BRD4: variants seen among roughly 807,000 people sequenced by gnomAD.
BRD4 encodes the protein bromodomain containing 4.
BRD4 carries 16 observed loss-of-function variants against 142.1 expected under a neutral mutation model. That is an observed-to-expected ratio of 0.11 (90% CI 0.08 to 0.17). The LOEUF is 0.17. Among genes scored for constraint, BRD4 ranks in the 10% least tolerant of loss-of-function variants. BRD4 has a pLI of 1.00. For synonymous variants in BRD4, 833 were observed against 707.5 expected (o/e 1.18, Z -2.82); for missense variants, 1,424 against 1,810.9 (o/e 0.79, Z 3.88).
intron 11 of BRD4, chr19:15,247,537 G>C (rs1407485064): frequency 4.3e-6 from 1 of 233,068 alleles, no homozygotes; most frequent in Non-Finnish European, 8.5e-6. Context: ...GCTGGCTTGT[G>C]GCTATGGCCC....
chr19:15,317,017 G>A (rs1166829771), intron 1 of BRD4, among the ~76,000 whole-genome samples: 1 of 152,160 alleles, frequency 6.6e-6, no homozygotes, highest in Non-Finnish European at 1.5e-5. Flanking sequence ...TGCTCACTAC[G>A]TATCATCCAA....
chr19:15,291,647 GGTTCCC>G (rs2047782576), intron 1 of BRD4, among the ~76,000 whole-genome samples: 1 of 152,156 alleles, frequency 6.6e-6, no homozygotes, highest in Non-Finnish European at 1.5e-5. Context: ...CTCTAAAGCT[GGTTCCC>G]CTGATATATA....
intron 14 of BRD4, among the ~76,000 whole-genome samples, chr19:15,240,814 G>A (rs370847109): frequency 1.8e-4 from 28 of 152,208 alleles, no homozygotes; most frequent in African/African-American, 6.8e-4. Flanking sequence ...CTGCAGGCAA[G>A]GGGCCTCACC....
chr19:15,294,035 C>CTAAG (rs2145673364), intron 1 of BRD4, among the ~76,000 whole-genome samples: 2 of 152,342 alleles, frequency 1.3e-5, no homozygotes, highest in South Asian at 4.1e-4. Flanking sequence ...CCCCAAAACG[C>CTAAG]TAAGTGTCTT....
intron 1 of BRD4, among the ~76,000 whole-genome samples, chr19:15,324,352 T>C (rs569356664): frequency 4.3e-4 from 65 of 152,368 alleles, no homozygotes; most frequent in South Asian, 3.7e-3. Context: ...TATCTTTCAA[T>C]TGCATTTCAC....
intron 1 of BRD4, among the ~76,000 whole-genome samples, chr19:15,292,430 C>G (rs1340737580): frequency 6.6e-6 from 1 of 152,220 alleles, no homozygotes; most frequent in African/African-American, 2.4e-5. Flanking sequence ...ACGGGGAAAA[C>G]TACCTGCCTA....
intron 1 of BRD4, among the ~76,000 whole-genome samples, chr19:15,326,484 A>C (rs887473632): frequency 1.3e-5 from 2 of 152,114 alleles, no homozygotes; most frequent in Non-Finnish European, 2.9e-5. Context: ...CCTCAAAATA[A>C]ATAAATAAAT....
Position 15,298,385 on chromosome 19 carries a change from C to T in BRD4, c.-34-25252G>A, listed in dbSNP as rs543521857. On this transcript the variant is annotated intron_variant, in intron 1 of 19. Coordinates refer to ENST00000679869, the MANE Select transcript of BRD4 (RefSeq NM_001379291.1). ...GGGCACGGTGGCTCACGCCTGTAATCCCAGCACTTTGGGAGGCTGAGGCGG... is the reference window on the plus strand; with the variant it reads ...GGGCACGGTGGCTCACGCCTGTAATTCCAGCACTTTGGGAGGCTGAGGCGG... Among the ~76,000 whole-genome samples, 11 of 152,148 alleles carry T rather than the reference C, an allele frequency of 7.2e-5. No homozygotes were observed. The South Asian group carries it at 2.1e-3, about 29-fold the overall frequency.
rs1248957889 is a variant in BRD4, at chr19:15,238,200, G to A, written c.*177C>T. On this transcript the variant is annotated 3_prime_UTR_variant, in exon 20 of 20. Coordinates refer to ENST00000679869, the MANE Select transcript of BRD4 (RefSeq NM_001379291.1). The surrounding 1 kb of genome is among the most constrained non-coding windows in gnomAD (Gnocchi z 7.2). ...GGGACGTCTGTCCGACTGGCCGTAA[G>A]GCAGACAGGCTCTGCAATCCTCAGC... 1 of 1,024,400 alleles carries A rather than the reference G, an allele frequency of 9.8e-7. No homozygotes were observed. The highest frequency in any genetic ancestry group is 2.7e-5 in the East Asian group (1 of 36,720). The allele number at this position is 1,024,400 out of a possible 1,614,324, so 63.5% of individuals were successfully genotyped here. A position where few individuals can be genotyped will look rare whatever the true frequency, so the allele number is the denominator to read the frequency against.
chr19:15,308,701 A>G (rs1038941209), intron 1 of BRD4, among the ~76,000 whole-genome samples: 11 of 151,426 alleles, frequency 7.3e-5, no homozygotes, highest in African/African-American at 2.7e-4. Flanking sequence ...GGCAAAAAAC[A>G]TAAGCTGAAA....
At chr19:15,248,473 C>T (rs967897058) in intron 11 of BRD4, 7 of 220,402 alleles carry the variant, frequency 3.2e-5, no homozygotes, top group Admixed American at 2.3e-4. Context: ...CAAGGCCCTT[C>T]ACCAGTGCCT....
chr19:15,259,275 C>T (rs1276993121), intron 7 of BRD4, among the ~76,000 whole-genome samples: 2 of 152,208 alleles, frequency 1.3e-5, no homozygotes, highest in African/African-American at 4.8e-5. Flanking sequence ...AGCTATGCCT[C>T]CCAGGACAAA....
At chr19:15,329,273 A>G (rs996366229) in intron 1 of BRD4, among the ~76,000 whole-genome samples, 2 of 152,190 alleles carry the variant, frequency 1.3e-5, no homozygotes, top group African/African-American at 2.4e-5. Context: ...TCCTTTTTAC[A>G]GATTTGCCAG....
intron 11 of BRD4, chr19:15,253,530 C>G (rs2145562040): frequency 6.6e-7 from 1 of 1,518,844 alleles, no homozygotes; most frequent in African/African-American, 1.4e-5. Context: ...ACACGCAAGT[C>G]CAGGTGCGTG....
intron 11 of BRD4, chr19:15,247,762 G>A (rs931480210): frequency 2.6e-5 from 6 of 232,814 alleles, no homozygotes; most frequent in Middle Eastern, 1.2e-3. Flanking sequence ...CACATCAGGC[G>A]CAGGCCAAAG....
chr19:15,273,184 C>A (rs1321771546), intron 1 of BRD4, 51 bp from the exon 2 acceptor site: 73 of 1,485,294 alleles, frequency 4.9e-5, no homozygotes, highest in Non-Finnish European at 6.5e-5. Flanking sequence ...CAGATGGGCA[C>A]CGCTCAGAAT....
At chr19:15,293,091 C>T (rs1236781613) in intron 1 of BRD4, among the ~76,000 whole-genome samples, 3 of 152,066 alleles carry the variant, frequency 2.0e-5, no homozygotes, top group Non-Finnish European at 4.4e-5. Flanking sequence ...ATGGCAGCAC[C>T]ACTCAAAACA....
At chr19:15,324,120 C>T (rs1300068329) in intron 1 of BRD4, among the ~76,000 whole-genome samples, 1 of 152,068 alleles carries the variant, frequency 6.6e-6, no homozygotes, top group Admixed American at 6.6e-5. Context: ...TACACGGCTC[C>T]ACCCAAGCCC....
chr19:15,276,058 G>A (rs1191215858), intron 1 of BRD4, among the ~76,000 whole-genome samples: 2 of 152,190 alleles, frequency 1.3e-5, no homozygotes, highest in Non-Finnish European at 2.9e-5. Flanking sequence ...ATCACCATAA[G>A]ATACCTGGGA....
Sources: allele counts gnomAD v4.1 joint callset (sites outside exome capture counted in the v4.1 genomes callset), GRCh38; gene constraint gnomAD v4.1.1; non-coding constraint Gnocchi (gnomAD v3.1); transcripts MANE v1.5; gene names NCBI Gene and HGNC (gene_info 2026-07-23, HGNC 2026-07-21).